The following NTM variants were observed in gnomAD, a reference collection of about 807,000 sequenced individuals.
NTM encodes neurotrimin, also known as IgLON family member 2.
Under a neutral mutation model 42.1 loss-of-function variants are expected in NTM, and 13 were observed. That is an observed-to-expected ratio of 0.31 (90% confidence interval 0.20 to 0.49). The LOEUF is 0.49. Among genes scored for constraint, NTM ranks in the 20% least tolerant of loss-of-function variants. The pLI is 0.99. For synonymous variants in NTM, 187 were observed against 179.2 expected (o/e 1.04, Z -0.35); for missense variants, 373 against 452.8 (o/e 0.82, Z 1.60).
intron 3 of NTM, among the ~76,000 whole-genome samples, chr11:132,165,708 G>A (rs2075162051): frequency 6.6e-6 from 1 of 152,150 alleles, no homozygotes; most frequent in Admixed American, 6.5e-5. Context: ...ACTATTGGAA[G>A]AAGCCCGACT....
chr11:132,062,053 C>T (rs939257358), intron 2 of NTM, among the ~76,000 whole-genome samples: 14 of 152,076 alleles, frequency 9.2e-5, no homozygotes, highest in African/African-American at 2.2e-4. Flanking sequence ...AATCAAACTC[C>T]GCTGTGTGAT....
chr11:131,371,188 C>A, intron 1 of NTM: 1 of 679,232 alleles, frequency 1.5e-6, no homozygotes, highest in Non-Finnish European at 1.8e-6. Flanking sequence ...TGCACACATA[C>A]ACAACGGAGC....
At position 132,057,837 on chromosome 11, in the gene NTM, T is replaced by C. The variant is rs1299939817; in HGVS notation, c.168-88445T>C. Among the ~76,000 whole-genome samples, 4 of 152,148 alleles carry C rather than the reference T, an allele frequency of 2.6e-5. No homozygotes were observed. In the East Asian group the frequency reaches 7.7e-4, roughly 29 times the overall value. On this transcript the variant is annotated intron_variant, in intron 2 of 8. Transcript: ENST00000683400. ...GGACTTCTCTCACTGGCGCTGTTGG[T>C]TGTTTTTTGGTTTGTTTGTGCCTCA...
At chr11:132,144,841 A>T (rs1158421101) in intron 2 of NTM, among the ~76,000 whole-genome samples, 1 of 152,226 alleles carries the variant, frequency 6.6e-6, no homozygotes, top group Non-Finnish European at 1.5e-5. Flanking sequence ...ACCTGTGCCA[A>T]GGTGTTTCTT....
Position 132,158,929 on chromosome 11 carries a change from T to C in NTM, c.400+12415T>C, listed in dbSNP as rs546917610. ...CTGCCTGGAAAGAAAACAGGAATGA[T>C]AGAGGCGCACCACAGCCTGGATAGC... On this transcript the variant is annotated intron_variant, in intron 3 of 8. Coordinates refer to ENST00000683400, the MANE Select transcript of NTM (RefSeq NM_001352005.2). Among the ~76,000 whole-genome samples the C allele has an allele frequency of 2.6e-5, 4 of 152,268 alleles. No homozygotes were observed. In the South Asian group the frequency reaches 8.3e-4, roughly 32 times the overall value.
At chr11:131,519,133 C>G (rs1410467816) in intron 1 of NTM, among the ~76,000 whole-genome samples, 1 of 152,232 alleles carries the variant, frequency 6.6e-6, no homozygotes, top group African/African-American at 2.4e-5. Flanking sequence ...GCGCTCTCCT[C>G]AGGGCCACTT....
At chr11:131,818,863 G>T (rs193120551) in intron 1 of NTM, among the ~76,000 whole-genome samples, 4 of 151,996 alleles carry the variant, frequency 2.6e-5, no homozygotes, top group Non-Finnish European at 5.9e-5. Flanking sequence ...TGATCTCCCC[G>T]CAGAGATGCA....
chr11:131,388,409 A>G (rs1315524758), intron 1 of NTM, among the ~76,000 whole-genome samples: 1 of 150,208 alleles, frequency 6.7e-6, no homozygotes, highest in East Asian at 1.9e-4. Context: ...ATACTAAAAG[A>G]CATTTGGGTT....
At chr11:132,290,280 T>A (rs1390859194) in intron 4 of NTM, among the ~76,000 whole-genome samples, 1 of 152,084 alleles carries the variant, frequency 6.6e-6, no homozygotes, top group Non-Finnish European at 1.5e-5. Flanking sequence ...TTATTATCAC[T>A]GTACACATGT....
intron 1 of NTM, among the ~76,000 whole-genome samples, chr11:131,720,594 A>G (rs4608091): frequency 0.04 from 6,128 of 152,300 alleles, 413 homozygotes; most frequent in African/African-American, 0.14. Flanking sequence ...CAATGTTGAG[A>G]TTCAAAACCA....
rs117450810 is a variant in NTM at position 132,146,480 on chromosome 11, C to T, written c.366C>T (p.His122=). 6,233 of 1,614,134 alleles carry T rather than the reference C, an allele frequency of 3.9e-3. 26 individuals carry two copies. Among genetic ancestry groups the T allele is most frequent in the South Asian group, 0.01 (946 of 91,076 alleles). ...CCTGCTCGGTGCAGACAGACAACCA[C>T]CCAAAGACCTCTAGGGTCCACCTCA... The part of the protein sequence containing the change: ...PYTCSVQTDN[H]PKTSRVHLIV... The change falls in exon 3 of 9, where the codon CAC becomes CAT. Residue 122 remains histidine, a synonymous_variant. Transcript: ENST00000683400. This position sits in a 1 kb window ranked among gnomAD's most constrained non-coding sequence, Gnocchi z 4.5.
At chr11:131,521,423 G>A (rs1358202685) in intron 1 of NTM, among the ~76,000 whole-genome samples, 1 of 26,090 alleles carries the variant, frequency 3.8e-5, no homozygotes, top group South Asian at 1.6e-3. Flanking sequence ...TTTTTTTTTT[G>A]AGACGGGAGT....
chr11:132,175,601 T>A (rs2076687605), intron 3 of NTM, among the ~76,000 whole-genome samples: 1 of 152,094 alleles, frequency 6.6e-6, no homozygotes, highest in Non-Finnish European at 1.5e-5. Context: ...CCCCCTTTTT[T>A]TTTTCAGACA....
At chr11:131,619,739 G>GA (rs1385196515) in intron 1 of NTM, among the ~76,000 whole-genome samples, 5 of 151,674 alleles carry the variant, frequency 3.3e-5, no homozygotes, top group South Asian at 2.1e-4. Flanking sequence ...ACGTGGTGTA[G>GA]AAAAAATGTA....
chr11:131,690,440 C>T (rs370537746), intron 1 of NTM, among the ~76,000 whole-genome samples: 2 of 152,148 alleles, frequency 1.3e-5, no homozygotes, highest in African/African-American at 4.8e-5. Context: ...TAGTCAGTTC[C>T]CGGGGACTGT....
chr11:132,140,296 G>T (rs1255263520), intron 2 of NTM, among the ~76,000 whole-genome samples: 2 of 152,148 alleles, frequency 1.3e-5, no homozygotes, highest in African/African-American at 2.4e-5. Context: ...TGTGTGTGCT[G>T]CTGCTTTTGG....
intron 1 of NTM, among the ~76,000 whole-genome samples, chr11:131,591,259 G>A (rs1397408271): frequency 1.3e-5 from 2 of 152,200 alleles, no homozygotes; most frequent in Non-Finnish European, 1.5e-5. Context: ...AGCCAGCACT[G>A]AAAGGTCCCT....
At chr11:131,513,323 T>C (rs2048490313) in intron 1 of NTM, among the ~76,000 whole-genome samples, 2 of 151,552 alleles carry the variant, frequency 1.3e-5, no homozygotes, top group Non-Finnish European at 2.9e-5. Flanking sequence ...GCCCTCAGAG[T>C]AGGAGTTACA....
intron 1 of NTM, among the ~76,000 whole-genome samples, chr11:131,788,072 A>G (rs1460834576): frequency 6.6e-6 from 1 of 152,130 alleles, no homozygotes; most frequent in Non-Finnish European, 1.5e-5. Context: ...CTTTTCAATG[A>G]ATTGGCATTT....
Sources: allele counts gnomAD v4.1 joint callset (sites outside exome capture counted in the v4.1 genomes callset), GRCh38; gene constraint gnomAD v4.1.1; non-coding constraint Gnocchi (gnomAD v3.1); transcripts MANE v1.5; gene names NCBI Gene and HGNC (gene_info 2026-07-23, HGNC 2026-07-21).